Variants in CPA6 observed in about 807,000 individuals in gnomAD.
The protein encoded by CPA6 is carboxypeptidase A6.
A neutral mutation model predicts 63.3 loss-of-function variants in CPA6; 58 were observed. The observed-to-expected ratio is 0.92, with a 90% CI of 0.74 to 1.14. CPA6 has a LOEUF of 1.14. Ranked by LOEUF, CPA6 falls within the 50% of genes most tolerant of loss-of-function variation. The pLI is 0.00. For synonymous variants in CPA6, 185 were observed against 179.0 expected, an observed-to-expected ratio of 1.03 and a Z score of -0.27; for missense variants, 565 against 526.6, an observed-to-expected ratio of 1.07 and a Z score of -0.71.
At chr8:67,587,386 G>A (rs1048779978) in intron 2 of CPA6, among the ~76,000 whole-genome samples, 1 of 152,176 alleles carries the variant, frequency 6.6e-6, no homozygotes, top group Non-Finnish European at 1.5e-5. Context: ...TAATTCTGGA[G>A]TTGGGGCTAG....
chr8:67,547,251 T>C (rs1477197489), intron 2 of CPA6, among the ~76,000 whole-genome samples: 4 of 152,142 alleles, frequency 2.6e-5, no homozygotes. Context: ...TTTCACTGTG[T>C]TAGCCAGGAT....
At chr8:67,495,278 A>G (rs191322614) in intron 6 of CPA6, among the ~76,000 whole-genome samples, 1 of 152,182 alleles carries the variant, frequency 6.6e-6, no homozygotes, top group East Asian at 1.9e-4. Context: ...TATCAAGCCA[A>G]TCATCCATTC....
intron 8 of CPA6, among the ~76,000 whole-genome samples, chr8:67,456,515 C>T (rs965098781): frequency 3.3e-5 from 5 of 152,224 alleles, no homozygotes; most frequent in Admixed American, 1.3e-4. Flanking sequence ...GGCTCTTCTT[C>T]AGTCTATATC....
intron 1 of CPA6, among the ~76,000 whole-genome samples, chr8:67,687,006 A>G (rs1816721425): frequency 6.6e-6 from 1 of 152,212 alleles, no homozygotes; most frequent in African/African-American, 2.4e-5. Context: ...TCAGAGGCCA[A>G]GAGAATCTCC....
intron 6 of CPA6, among the ~76,000 whole-genome samples, chr8:67,490,403 T>C (rs1811578234): frequency 6.6e-6 from 1 of 152,202 alleles, no homozygotes; most frequent in Non-Finnish European, 1.5e-5. Context: ...CTATTGTTGC[T>C]TATGAGGAAG....
At position 67,641,002 on chromosome 8, in the gene CPA6, C is replaced by T. The variant is rs577606250; in HGVS notation, c.117-16751G>A. Among the ~76,000 whole-genome samples the T allele has an allele frequency of 5.9e-5, 9 of 151,826 alleles. No individual in the cohort carries two copies. The East Asian group carries it at 7.7e-4, about 13-fold the overall frequency. The stretch of plus-strand genomic sequence containing the variant: ...CGTCCTGCCCAGCCATGCAAGGGTG[C>T]GGGTCATGCAGTTGGCTGCCTCAGG... On this transcript the variant is annotated intron_variant, in intron 1 of 10. Transcript: ENST00000297770.
At chr8:67,571,484 T>C (rs1813484168) in intron 2 of CPA6, among the ~76,000 whole-genome samples, 1 of 152,094 alleles carries the variant, frequency 6.6e-6, no homozygotes, top group South Asian at 2.1e-4. Flanking sequence ...TTTAAGAAGA[T>C]TGAAATCATA....
chr8:67,479,033 A>T (rs1811302646), intron 8 of CPA6, among the ~76,000 whole-genome samples: 1 of 151,768 alleles, frequency 6.6e-6, no homozygotes, highest in Non-Finnish European at 1.5e-5. Context: ...AGAAAAGAAA[A>T]GAAAGAAAGA....
intron 8 of CPA6, among the ~76,000 whole-genome samples, chr8:67,482,339 C>A (rs1254618102): frequency 6.6e-6 from 1 of 152,054 alleles, no homozygotes; most frequent in Non-Finnish European, 1.5e-5. Context: ...GGAAAATGGC[C>A]CCATCAGAGA....
intron 2 of CPA6, among the ~76,000 whole-genome samples, chr8:67,621,501 G>C (rs912815010): frequency 6.6e-6 from 1 of 152,168 alleles, no homozygotes; most frequent in African/African-American, 2.4e-5. Context: ...GGCCTCATTT[G>C]GGTCCTAGAG....
intron 8 of CPA6, among the ~76,000 whole-genome samples, chr8:67,449,238 C>T (rs1474088147): frequency 3.9e-5 from 6 of 152,098 alleles, no homozygotes; most frequent in African/African-American, 1.2e-4. Flanking sequence ...GGTGACACAG[C>T]GAGACTGTCT....
At chr8:67,528,254 C>T (rs564681061) in intron 2 of CPA6, among the ~76,000 whole-genome samples, 143 of 152,236 alleles carry the variant, frequency 9.4e-4, no homozygotes, top group Admixed American at 1.9e-3. Flanking sequence ...GTTGCCTATG[C>T]ATATTACCAA....
rs1217394345 is a variant in CPA6 at position 67,447,540 on chromosome 8, CACACACAT to C, written c.839-13308_839-13301del. On this transcript the variant is annotated intron_variant, in intron 8 of 10. Transcript: ENST00000297770. ...ACACACACACACACACACACACACA[CACACACAT>C]ACACATTTTAAATAGGTGATAAATT... Among the ~76,000 whole-genome samples, 388 of 140,036 alleles carry C rather than the reference CACACACAT, an allele frequency of 2.8e-3. 3 individuals are homozygous for C. The highest frequency in any genetic ancestry group is 0.011 in the African/African-American group (349 of 30,974). The allele number at this position is 140,036 out of a possible 152,430, so 91.9% of individuals were successfully genotyped here.
chr8:67,424,987 T>G (rs1809852702), intron 10 of CPA6, among the ~76,000 whole-genome samples: 1 of 152,178 alleles, frequency 6.6e-6, no homozygotes, highest in South Asian at 2.1e-4. Context: ...TACCACATAG[T>G]GGGTAACTTC....
intron 8 of CPA6, among the ~76,000 whole-genome samples, chr8:67,436,638 T>C (rs1243531000): frequency 1.3e-5 from 2 of 152,120 alleles, no homozygotes; most frequent in Non-Finnish European, 2.9e-5. Context: ...AGTTTAGTTA[T>C]GAAATCTTCA....
At chr8:67,483,393 C>A (rs982924787) in intron 8 of CPA6, 11 of 283,232 alleles carry the variant, frequency 3.9e-5, no homozygotes, top group African/African-American at 2.4e-4. Flanking sequence ...GACAGACAGC[C>A]GAATGCAGCA....
Position 67,475,796 on chromosome 8 carries a change from T to TC in CPA6, c.838+7971dup, listed in dbSNP as rs1554666508. ...TTCTTTCTTTCTTTCTTTCTTTCTT[T>TC]CTTTCTTTCTTTCTTTCTTTCCTTT... On this transcript the variant is annotated intron_variant, in intron 8 of 10. Coordinates refer to ENST00000297770, the MANE Select transcript of CPA6 (RefSeq NM_020361.5). Among the ~76,000 whole-genome samples the TC allele has an allele frequency of 1.0e-3, 53 of 52,320 alleles. 2 individuals are homozygous for TC. Among genetic ancestry groups the TC allele is most frequent in the African/African-American group, 3.2e-3 (23 of 7,218 alleles). 34.3% of individuals were successfully genotyped at this position (52,320 alleles called of 152,430 possible). A position where few individuals can be genotyped will look rare whatever the true frequency, so the allele number is the denominator to read the frequency against.
chr8:67,734,213 A>G lies in CPA6; in HGVS notation c.116+11801T>C, dbSNP rs75719983. 4.3e-3 allele frequency among the ~76,000 whole-genome samples: 650 copies of G among 151,948 alleles called. 4 individuals carry two copies. The highest frequency in any genetic ancestry group is 0.015 in the African/African-American group (625 of 41,440). On this transcript the variant is annotated intron_variant, in intron 1 of 10. Coordinates refer to ENST00000297770, the MANE Select transcript of CPA6 (RefSeq NM_020361.5). ...AGATACATTTATTTGCTCTTATATA[A>G]AAGGTGTGGTGTCAGGCATTGGGGG...
intron 8 of CPA6, among the ~76,000 whole-genome samples, chr8:67,457,699 A>G (rs983012785): frequency 1.0e-4 from 12 of 118,632 alleles, no homozygotes; most frequent in Non-Finnish European, 1.8e-4. Context: ...CCAACCCCAG[A>G]AAAAAAAAAT....
Sources: gnomAD v4.1 joint callset for allele counts (sites outside exome capture counted in the v4.1 genomes callset) on GRCh38, gnomAD v4.1.1 for gene constraint, MANE v1.5 for transcripts, NCBI Gene and HGNC (gene_info 2026-07-23, HGNC 2026-07-21) for gene names.